Variants in CD180 observed in about 807,000 individuals in gnomAD.
CD180 encodes CD180 antigen.
In CD180, 11 loss-of-function variants were observed where a neutral mutation model predicts 10.7. The ratio of observed to expected loss-of-function variants is 1.03; its 90% CI spans 0.65 to 1.70. The LOEUF (loss-of-function observed/expected upper bound fraction) is 1.70, where lower values mean the gene tolerates loss of function less well. Among genes scored for constraint, CD180 ranks in the 40% most tolerant of loss-of-function variants. CD180 has a pLI of 0.00. For missense variants in CD180, 729 were observed against 775.2 expected (o/e 0.94, Z 0.71); for synonymous variants, 286 against 294.6 (o/e 0.97, Z 0.30).
intron 1 of CD180, among the ~76,000 whole-genome samples, chr5:67,192,240 A>T (rs1742321845): frequency 1.3e-5 from 2 of 151,930 alleles, no homozygotes; most frequent in South Asian, 4.2e-4. Flanking sequence ...AATACAAAAA[A>T]ATTGCCAGGT....
Position 67,196,739 on chromosome 5 carries a change from CT to C in CD180, c.-99del. 6.8e-7 allele frequency: 1 copy of C among 1,471,814 alleles called. No individual in the cohort carries two copies. Among genetic ancestry groups the C allele is most frequent in the Non-Finnish European group, 9.2e-7 (1 of 1,089,956 alleles). The allele number at this position is 1,471,814 out of a possible 1,614,324, so 91.2% of individuals were successfully genotyped here. On this transcript the variant is annotated 5_prime_UTR_variant, in exon 1 of 3. It removes the in-frame stop codon of an upstream open reading frame in the 5' UTR. Transcript: ENST00000256447. ...TGGCAATTTGGCAGCCAGAGAGGTA[CT>C]CAGAAGGGTGATCTTGGAACAAGAA...
In CD180 at chr5:67,184,086, C is replaced by T. The variant is rs770702811; in HGVS notation, c.757G>A (p.Gly253Arg). The T allele has an allele frequency of 8.7e-6, 14 of 1,614,096 alleles. No individual in the cohort carries two copies. Among genetic ancestry groups the T allele is most frequent in the Non-Finnish European group, 1.2e-5 (14 of 1,180,030 alleles). ...QNSTTQSLWL[G>R]TFEDIDDEDI... is the part of the protein sequence containing the mutation. The stretch of plus-strand genomic sequence containing the variant: ...TCGTCATCAATGTCCTCAAATGTTC[C>T]CAGCCAGAGAGACTGAGTAGTAGAG... Residue 253 changes from glycine to arginine, a missense_variant, in exon 3 of 3, where the codon GGA becomes AGA. Coordinates refer to ENST00000256447, the MANE Select transcript of CD180 (RefSeq NM_005582.3).
Position 67,183,974 on chromosome 5 carries a change from G to A in CD180, c.869C>T (p.Ser290Leu). ...NLQEHRFSDI[S>L]STTFQCFTQL... is the part of the protein sequence containing the mutation. ...GGTGAAGCACTGAAATGTGGTGGAT[G>A]AGATGTCAGAGAAGCGGTGTTCCTG... Residue 290 changes from serine (S) to leucine (L), a missense_variant, in exon 3 of 3, where the codon TCA becomes TTA. Ser to Leu is a moderately radical substitution (Grantham distance 145). Coordinates refer to ENST00000256447, the MANE Select transcript of CD180 (RefSeq NM_005582.3). 1 of 1,614,214 alleles carries A rather than the reference G, an allele frequency of 6.2e-7. No homozygotes were observed. Among genetic ancestry groups the A allele is most frequent in the South Asian group, 1.1e-5 (1 of 91,078 alleles).
Position 67,182,202 on chromosome 5 carries a change from C to T in CD180, c.*655G>A, listed in dbSNP as rs1581821252. The T allele has an allele frequency of 2.0e-5, 3 of 152,306 alleles. No homozygotes were observed. In the South Asian group the frequency reaches 6.2e-4, roughly 32 times the overall value. The allele number at this position is 152,306 out of a possible 1,614,324, so 9.4% of individuals were successfully genotyped here. ...GGGTTCTATTTTTTATAGCCATTCACACCCTAGGGGCATTACAGAGACCTT... is the reference window on the plus strand; with the variant it reads ...GGGTTCTATTTTTTATAGCCATTCATACCCTAGGGGCATTACAGAGACCTT... On this transcript the variant is annotated 3_prime_UTR_variant, in exon 3 of 3. Coordinates refer to ENST00000256447, the MANE Select transcript of CD180 (RefSeq NM_005582.3).
At position 67,184,059 on chromosome 5, in the gene CD180, C is replaced by G. The variant is rs1008855892; in HGVS notation, c.784G>C (p.Asp262His). ...LGTFEDIDDE[D>H]ISSAMLKGLC... is the part of the protein sequence containing the mutation. ...CCCTTGAGCATGGCTGAACTAATAT[C>G]TTCGTCATCAATGTCCTCAAATGTT... The change falls in exon 3 of 3, where the codon GAT (aspartate) becomes CAT (histidine). Residue 262 changes from aspartate to histidine, a missense_variant. By Grantham distance (81) the Asp-to-His change is moderately conservative (BLOSUM62 -1). Coordinates refer to ENST00000256447, the MANE Select transcript of CD180 (RefSeq NM_005582.3). 4.3e-6 allele frequency: 7 copies of G among 1,614,046 alleles called. No individual in the cohort carries two copies. The African/African-American group carries it at 9.3e-5, about 22-fold the overall frequency.
At position 67,183,003 on chromosome 5, in the gene CD180, T is replaced by C. The variant is rs1482532859; in HGVS notation, c.1840A>G (p.Arg614Gly). The change falls in exon 3 of 3, where the codon AGG (arginine) becomes GGG (glycine). Residue 614 changes from arginine (R) to glycine (G), a missense_variant. Physicochemically the swap from Arg to Gly is moderately radical, Grantham distance 125. Transcript: ENST00000256447. ...TTGACATCAGATAGCTTAACTCCCCTTAGAGATGGCGGGTTTGCACACGTG... is the reference window on the plus strand; with the variant it reads ...TTGACATCAGATAGCTTAACTCCCCCTAGAGATGGCGGGTTTGCACACGTG... ...ETTCANPPSLRGVKLSDVKLS... is the reference protein window; with the variant it reads ...ETTCANPPSLGGVKLSDVKLS... The C allele has an allele frequency of 1.9e-6, 3 of 1,614,218 alleles. No homozygotes were observed. The highest frequency in any genetic ancestry group is 1.7e-5 in the Admixed American group (1 of 60,026).
rs560756338 is a variant in CD180 at position 67,194,797 on chromosome 5, C to A, written c.90+1755G>T. On this transcript the variant is annotated intron_variant, in intron 1 of 2. Transcript: ENST00000256447. ...ATAGAAATGTCTTACTCTTCTCCTT[C>A]TGTTATGGGCTGAATTTTCTCTCCC... Among the ~76,000 whole-genome samples the A allele has an allele frequency of 1.5e-4, 23 of 152,310 alleles. No homozygotes were observed. The South Asian group carries it at 4.8e-3, about 32-fold the overall frequency.
intron 1 of CD180, among the ~76,000 whole-genome samples, chr5:67,193,091 A>G (rs563975894): frequency 1.3e-5 from 2 of 152,310 alleles, no homozygotes; most frequent in East Asian, 1.9e-4. Flanking sequence ...CCTGGAATGC[A>G]CCTTCCAAAG....
At chr5:67,196,430 C>T (rs1742405557) in intron 1 of CD180, 122 bp downstream of exon 1, 1 of 835,376 alleles carries the variant, frequency 1.2e-6, no homozygotes, top group Non-Finnish European at 1.9e-6. Flanking sequence ...ATTATATATA[C>T]ACCTTATTTC....
intron 1 of CD180, 112 bp downstream of exon 1, chr5:67,196,440 C>T (rs1742405710): frequency 2.1e-6 from 2 of 967,302 alleles, no homozygotes; most frequent in Non-Finnish European, 3.1e-6. Flanking sequence ...CACCTTATTT[C>T]CTTTTTAAAG....
intron 1 of CD180, among the ~76,000 whole-genome samples, chr5:67,186,952 A>ATAG (rs932592889): frequency 1.3e-5 from 2 of 152,018 alleles, no homozygotes; most frequent in African/African-American, 4.8e-5. Flanking sequence ...AGATCTACTT[A>ATAG]AGAGACATAA....
At chr5:67,189,187 T>G (rs746161554) in intron 1 of CD180, among the ~76,000 whole-genome samples, 6 of 152,230 alleles carry the variant, frequency 3.9e-5, no homozygotes, top group Non-Finnish European at 7.3e-5. Flanking sequence ...AAAGGCTCAA[T>G]GCTGTCATTT....
rs1313082036 is a variant in CD180 at position 67,181,944 on chromosome 5, A to G, written c.*913T>C. On this transcript the variant is annotated 3_prime_UTR_variant, in exon 3 of 3. Transcript: ENST00000256447. ...GCTAATTCAAATGCTCTCCGAAGCAAATAGGCTTTTAAGGGCAAGCCTGAG... is the reference window on the plus strand; with the variant it reads ...GCTAATTCAAATGCTCTCCGAAGCAGATAGGCTTTTAAGGGCAAGCCTGAG... 1 of 152,234 alleles carries G rather than the reference A, an allele frequency of 6.6e-6. No individual in the cohort carries two copies. Among genetic ancestry groups the G allele is most frequent in the Non-Finnish European group, 1.5e-5 (1 of 68,044 alleles). 9.4% of individuals were successfully genotyped at this position (152,234 alleles called of 1,614,324 possible).
chr5:67,190,480 T>C (rs1742280003), intron 1 of CD180, among the ~76,000 whole-genome samples: 2 of 152,208 alleles, frequency 1.3e-5, no homozygotes, highest in Admixed American at 1.3e-4. Flanking sequence ...AACCCAGCCT[T>C]CTCTTCCTAG....
intron 2 of CD180, 69 bp from the exon 3 acceptor site, chr5:67,184,654 A>C (rs754767661): frequency 2.1e-4 from 268 of 1,265,440 alleles, no homozygotes; most frequent in Non-Finnish European, 2.8e-4. Context: ...ACAGTGACAC[A>C]CATTAACAAA....
intron 2 of CD180, among the ~76,000 whole-genome samples, chr5:67,185,269 C>T (rs368401671): frequency 9.9e-5 from 14 of 141,124 alleles, no homozygotes; most frequent in Non-Finnish European, 1.7e-4. Context: ...TGCAGGTACA[C>T]GCAGAGCCTG....
Position 67,182,951 on chromosome 5 carries a change from C to T in CD180, c.1892G>A (p.Gly631Asp), listed in dbSNP as rs897684612. 6.8e-6 allele frequency: 11 copies of T among 1,613,970 alleles called. No individual in the cohort carries two copies. Among genetic ancestry groups the T allele is most frequent in the African/African-American group, 2.7e-5 (2 of 74,922 alleles). Residue 631 changes from glycine (G) to aspartate (D), a missense_variant, in exon 3 of 3, where the codon GGC (glycine) becomes GAC (aspartate). Gly to Asp is a moderately conservative substitution (Grantham distance 94). Coordinates refer to ENST00000256447, the MANE Select transcript of CD180 (RefSeq NM_005582.3). The stretch of plus-strand genomic sequence containing the variant: ...TAGAAATACTATGAGAAAGAAAATG[C>T]CTATGGCTGTAATCCCACAGGAAAG... ...VKLSCGITAI[G>D]IFFLIVFLLL...
Position 67,182,697 on chromosome 5 carries a change from G to A in CD180, c.*160C>T, listed in dbSNP as rs1188537270. ...TGCCTAGAAGGTTCTTTAGCTCTGGGACTCACAGGAGTAAGAAGCTCAGAA... is the reference window on the plus strand; with the variant it reads ...TGCCTAGAAGGTTCTTTAGCTCTGGAACTCACAGGAGTAAGAAGCTCAGAA... On this transcript the variant is annotated 3_prime_UTR_variant, in exon 3 of 3. Transcript: ENST00000256447. The A allele has an allele frequency of 1.4e-5, 8 of 591,648 alleles. No homozygotes were observed. Among genetic ancestry groups the A allele is most frequent in the African/African-American group, 1.9e-5 (1 of 53,650 alleles). The allele number at this position is 591,648 out of a possible 1,614,324, so 36.6% of individuals were successfully genotyped here. A position where few individuals can be genotyped will look rare whatever the true frequency, so the allele number is the denominator to read the frequency against.
At chr5:67,192,578 G>A (rs889361365) in intron 1 of CD180, among the ~76,000 whole-genome samples, 1 of 151,982 alleles carries the variant, frequency 6.6e-6, no homozygotes, top group Non-Finnish European at 1.5e-5. Context: ...CACGCTGCAT[G>A]GTGAAAGCAG....
Sources: allele counts gnomAD v4.1 joint callset (sites outside exome capture counted in the v4.1 genomes callset), GRCh38; gene constraint gnomAD v4.1.1; transcripts MANE v1.5; gene names NCBI Gene and HGNC (gene_info 2026-07-23, HGNC 2026-07-21).